The following ZBTB46 variants were observed in gnomAD, a reference collection of about 807,000 sequenced individuals.
ZBTB46 encodes zinc finger and BTB domain containing 46, also known as zinc finger and BTB domain-containing protein 46.
ZBTB46 carries 8 observed loss-of-function variants against 44.1 expected under a neutral mutation model. The ratio of observed to expected loss-of-function variants is 0.18; its 90% CI spans 0.11 to 0.33. ZBTB46 has a LOEUF of 0.33. ZBTB46 is among the 10% of genes least tolerant of loss of function. The pLI is 1.00. For synonymous variants in ZBTB46, 409 were observed against 382.3 expected, an observed-to-expected ratio of 1.07 and a Z score of -0.81; for missense variants, 651 against 847.7, an observed-to-expected ratio of 0.77 and a Z score of 2.88.
rs547270102 is a variant in ZBTB46, at chr20:63,815,590, G to A, written c.-34+15507C>T. 2.8e-5 allele frequency among the ~76,000 whole-genome samples: 4 copies of A among 141,014 alleles called. No homozygotes were observed. In the South Asian group the frequency reaches 9.4e-4, roughly 33 times the overall value. 92.5% of individuals were successfully genotyped at this position (141,014 alleles called of 152,430 possible). A position where few individuals can be genotyped will look rare whatever the true frequency, so the allele number is the denominator to read the frequency against. On this transcript the variant is annotated intron_variant, in intron 1 of 4. Coordinates refer to ENST00000245663, the MANE Select transcript of ZBTB46 (RefSeq NM_001369741.1). ...TGGGCACAGGTGCAGGTGAGCACAG[G>A]TGCAGTGGGTGCAGGTGGGCACAGG...
At chr20:63,790,861 C>A (rs574998620) in intron 1 of ZBTB46, 71 bp from the exon 2 acceptor site, 9 of 1,448,320 alleles carry the variant, frequency 6.2e-6, no homozygotes, top group Non-Finnish European at 8.2e-6. Flanking sequence ...CCGGGCGGGG[C>A]GCAGGAGGGC....
At chr20:63,774,684 G>A (rs1177940295) in intron 3 of ZBTB46, among the ~76,000 whole-genome samples, 3 of 145,670 alleles carry the variant, frequency 2.1e-5, no homozygotes, top group East Asian at 2.0e-4. Flanking sequence ...GGCTGGCTGC[G>A]GTGGGTTTTT....
At chr20:63,770,144 G>C (rs1037624340) in intron 3 of ZBTB46, among the ~76,000 whole-genome samples, 8 of 152,240 alleles carry the variant, frequency 5.3e-5, no homozygotes, top group African/African-American at 1.9e-4. Context: ...GGGGCTTACA[G>C]TCTCCTGTCC....
chr20:63,759,351 A>C, intron 3 of ZBTB46, among the ~76,000 whole-genome samples: 1 of 152,176 alleles, frequency 6.6e-6, no homozygotes, highest in African/African-American at 2.4e-5. Flanking sequence ...TGTCACCTAC[A>C]AATGATGCTT....
At chr20:63,792,060 C>G (rs1328043407) in intron 1 of ZBTB46, among the ~76,000 whole-genome samples, 1 of 152,220 alleles carries the variant, frequency 6.6e-6, no homozygotes, top group Non-Finnish European at 1.5e-5. Flanking sequence ...GTGTGCACGT[C>G]TGTGTCCAAA....
intron 1 of ZBTB46, among the ~76,000 whole-genome samples, chr20:63,795,462 T>A (rs1422791167): frequency 4.6e-5 from 7 of 152,260 alleles, no homozygotes; most frequent in African/African-American, 1.7e-4. Flanking sequence ...GTGGGGCCTG[T>A]CCTGCCAGGC....
chr20:63,831,628 C>T (rs2092853104), upstream of ZBTB46, among the ~76,000 whole-genome samples: 5 of 149,320 alleles, frequency 3.3e-5, no homozygotes, highest in South Asian at 8.4e-4. Context: ...CTGGCCCCCG[C>T]TGCGCCCTTG....
intron 1 of ZBTB46, among the ~76,000 whole-genome samples, chr20:63,818,992 T>A (rs369064141): frequency 6.6e-6 from 1 of 151,348 alleles, no homozygotes; most frequent in East Asian, 1.9e-4. Context: ...ACCAACATGG[T>A]GAAACCCCGT....
chr20:63,746,954 G>T lies in ZBTB46; in HGVS notation c.1746C>A (p.Asp582Glu). The part of the protein sequence containing the change: ...PRPRSPPGGP[D>E]KDFAWLS ...CCTAGGAGAGCCAGGCGAAGTCCTT[G>T]TCAGGGCCTCCTGGGGGGCTGCGCG... The change falls in exon 5 of 5, where the codon GAC becomes GAA. Residue 582 changes from aspartate to glutamate, a missense_variant. This residue lies in a region of ZBTB46 where 106 missense variants were observed against 81.0 expected (regional missense o/e 1.31). Coordinates refer to ENST00000245663, the MANE Select transcript of ZBTB46 (RefSeq NM_001369741.1). 6.3e-7 allele frequency: 1 copy of T among 1,582,880 alleles called. No individual in the cohort carries two copies. The highest frequency in any genetic ancestry group is 1.1e-5 in the South Asian group (1 of 87,576).
chr20:63,800,189 G>A (rs2092632755), intron 1 of ZBTB46, among the ~76,000 whole-genome samples: 1 of 152,116 alleles, frequency 6.6e-6, no homozygotes. Flanking sequence ...CCCTATACAG[G>A]TCACATCCAC....
At chr20:63,751,327 C>T (rs1017775960) in intron 4 of ZBTB46, among the ~76,000 whole-genome samples, 5 of 152,188 alleles carry the variant, frequency 3.3e-5, no homozygotes, top group African/African-American at 1.2e-4. Context: ...TCTCTACTGT[C>T]CTCCACCTCG....
At chr20:63,776,993 C>G (rs909904525) in intron 2 of ZBTB46, among the ~76,000 whole-genome samples, 1 of 151,666 alleles carries the variant, frequency 6.6e-6, no homozygotes, top group African/African-American at 2.4e-5. Context: ...CACGATTCCA[C>G]CACACAATAC....
At chr20:63,816,177 A>G (rs922845625) in intron 1 of ZBTB46, among the ~76,000 whole-genome samples, 302 of 144,262 alleles carry the variant, frequency 2.1e-3, no homozygotes, top group East Asian at 0.01. Context: ...GTGGGCACAG[A>G]TGCAGTGGGC....
chr20:63,808,992 A>AAG (rs1448470945), intron 1 of ZBTB46, among the ~76,000 whole-genome samples: 3 of 147,358 alleles, frequency 2.0e-5, no homozygotes, highest in African/African-American at 7.6e-5. Flanking sequence ...AAAAAAAAAA[A>AAG]AAAAAAAGAA....
intron 4 of ZBTB46, 51 bp from the exon 5 acceptor site, chr20:63,747,352 GGC>G: frequency 7.8e-7 from 1 of 1,274,264 alleles, no homozygotes; most frequent in Non-Finnish European, 1.0e-6. Context: ...TGGGGGGCGG[GGC>G]AGGGGGTGAG....
At chr20:63,789,761 C>G in intron 2 of ZBTB46, 60 bp downstream of exon 2, 7 of 1,546,468 alleles carry the variant, frequency 4.5e-6, no homozygotes, top group South Asian at 1.2e-5. Flanking sequence ...GCACAGCACG[C>G]GGCCGTGAGG....
chr20:63,774,386 C>G (rs2092402792), intron 3 of ZBTB46, among the ~76,000 whole-genome samples: 1 of 152,204 alleles, frequency 6.6e-6, no homozygotes, highest in South Asian at 2.1e-4. Flanking sequence ...AACAGAGAAA[C>G]AGATATACTT....
At chr20:63,804,251 G>T (rs1312975036) in intron 1 of ZBTB46, among the ~76,000 whole-genome samples, 2 of 152,222 alleles carry the variant, frequency 1.3e-5, no homozygotes, top group Admixed American at 1.3e-4. Context: ...CTCGGGCCAT[G>T]TGTGAGGGTG....
rs193020894 is a variant in ZBTB46, at chr20:63,777,241, C to T, written c.938-1279G>A. ...TCCCAACATTTTGGGAGGCTAAGAC[C>T]GGAAGATCTATTGAGAACAGGAGTT... On this transcript the variant is annotated intron_variant, in intron 2 of 4. Transcript: ENST00000245663. 5.1e-4 allele frequency among the ~76,000 whole-genome samples: 78 copies of T among 152,196 alleles called. No individual in the cohort carries two copies. In the East Asian group the frequency reaches 0.013, roughly 24 times the overall value.
Sources: gnomAD v4.1 joint callset for allele counts (sites outside exome capture counted in the v4.1 genomes callset) on GRCh38, gnomAD v4.1.1 for gene constraint, gnomAD v4.1.1 regional missense constraint, MANE v1.5 for transcripts, NCBI Gene and HGNC (gene_info 2026-07-23, HGNC 2026-07-21) for gene names.